Variants in SOX6 observed in about 807,000 individuals in gnomAD.
The protein encoded by SOX6 is SRY-box transcription factor 6.
In SOX6, 11 loss-of-function variants were observed where a neutral mutation model predicts 97.8. The observed-to-expected ratio is 0.11, with a 90% CI of 0.07 to 0.19. The LOEUF is 0.19. Among genes scored for constraint, SOX6 ranks in the 10% least tolerant of loss-of-function variants. The pLI is 1.00. For missense variants in SOX6, 810 were observed against 1,039.5 expected, an observed-to-expected ratio of 0.78 and a Z score of 3.04; for synonymous variants, 360 against 371.4, an observed-to-expected ratio of 0.97 and a Z score of 0.35.
chr11:16,707,947 T>C (rs1474826713), intron 3 of SOX6, among the ~76,000 whole-genome samples: 3 of 151,964 alleles, frequency 2.0e-5, no homozygotes, highest in African/African-American at 7.3e-5. Flanking sequence ...CAGAGAGAAA[T>C]AGAATTAAGT....
intron 4 of SOX6, among the ~76,000 whole-genome samples, chr11:16,568,569 T>C (rs918027194): frequency 1.3e-5 from 2 of 152,146 alleles, no homozygotes; most frequent in African/African-American, 4.8e-5. Flanking sequence ...CATTTTAAAA[T>C]GAATAATTTA....
At chr11:16,196,925 C>G (rs1851795375) in intron 4 of SOX6, among the ~76,000 whole-genome samples, 1 of 146,876 alleles carries the variant, frequency 6.8e-6, no homozygotes, top group Non-Finnish European at 1.5e-5. Context: ...CCTCCACCTC[C>G]TGGGTTCAAG....
chr11:16,353,413 T>A (rs1464257979), intron 1 of SOX6, among the ~76,000 whole-genome samples: 2 of 152,108 alleles, frequency 1.3e-5, no homozygotes, highest in African/African-American at 4.8e-5. Flanking sequence ...GCCTCTCATA[T>A]GAGGACATGA....
intron 2 of SOX6, among the ~76,000 whole-genome samples, chr11:16,728,766 G>A (rs149755138): frequency 0.022 from 3,274 of 152,178 alleles, 53 homozygotes; most frequent in Non-Finnish European, 0.033. Context: ...TCAGAAGGTC[G>A]GTAATAATAA....
At chr11:16,656,629 T>C (rs533314147) in intron 3 of SOX6, among the ~76,000 whole-genome samples, 2 of 152,290 alleles carry the variant, frequency 1.3e-5, no homozygotes, top group South Asian at 4.2e-4. Context: ...TACTTACAGT[T>C]TAGAAGAGTC....
Position 16,153,372 on chromosome 11 carries a change from T to C in SOX6, c.777+30514A>G, listed in dbSNP as rs966764411. 1.2e-4 allele frequency among the ~76,000 whole-genome samples: 19 copies of C among 152,146 alleles called. 1 individual carries two copies. Among genetic ancestry groups the C allele is most frequent in the Admixed American group, 1.2e-3 (19 of 15,270 alleles). On this transcript the variant is annotated intron_variant, in intron 6 of 15. Transcript: ENST00000683767. ...GAAAGGGAAAAAATTTGTGAACTGA[T>C]AGTTGTCCCAAATTTGTTTGGCGAT...
chr11:16,204,583 C>A (rs74680218), intron 4 of SOX6, among the ~76,000 whole-genome samples: 2 of 43,028 alleles, frequency 4.6e-5, no homozygotes, highest in Admixed American at 1.7e-4. Flanking sequence ...AGAAAAAAAA[C>A]AACTTTACTT....
intron 3 of SOX6, among the ~76,000 whole-genome samples, chr11:16,243,072 C>T (rs1853239793): frequency 6.6e-6 from 1 of 151,958 alleles, no homozygotes; most frequent in Non-Finnish European, 1.5e-5. Flanking sequence ...CCCTCCTATT[C>T]TACTGTGCCT....
At chr11:16,602,839 TG>T (rs1410327130) in intron 4 of SOX6, among the ~76,000 whole-genome samples, 2 of 152,042 alleles carry the variant, frequency 1.3e-5, no homozygotes, top group Non-Finnish European at 2.9e-5. Context: ...CTGGCCAACA[TG>T]GTGAAACCTC....
intron 2 of SOX6, among the ~76,000 whole-genome samples, chr11:16,723,880 A>G (rs1334515021): frequency 6.6e-6 from 1 of 152,214 alleles, no homozygotes; most frequent in Non-Finnish European, 1.5e-5. Context: ...ACAATGGAAC[A>G]ACTAAATCCA....
chr11:16,120,636 G>T (rs958126087), intron 6 of SOX6, among the ~76,000 whole-genome samples: 1 of 150,692 alleles, frequency 6.6e-6, no homozygotes, highest in African/African-American at 2.4e-5. Context: ...TAAAGCAAAA[G>T]AAAAAAATAG....
chr11:16,375,269 A>T (rs188225901), intron 1 of SOX6, among the ~76,000 whole-genome samples: 28 of 152,246 alleles, frequency 1.8e-4, no homozygotes, highest in Non-Finnish European at 3.2e-4. Context: ...GAATAATGAC[A>T]TCTTCTCATC....
intron 4 of SOX6, among the ~76,000 whole-genome samples, chr11:16,525,212 C>A (rs555137744): frequency 1.3e-5 from 2 of 152,156 alleles, no homozygotes; most frequent in South Asian, 4.1e-4. Context: ...GGAAGCACCA[C>A]GCTACCTGAC....
intron 3 of SOX6, among the ~76,000 whole-genome samples, chr11:16,242,645 C>CA (rs199779596): frequency 4.2e-4 from 60 of 141,584 alleles, no homozygotes; most frequent in South Asian, 2.5e-3. Context: ...TAAAAAAAAA[C>CA]AAAAAAAAAA....
chr11:16,154,065 G>A (rs567978482), intron 6 of SOX6, among the ~76,000 whole-genome samples: 36 of 152,222 alleles, frequency 2.4e-4, no homozygotes, highest in African/African-American at 7.9e-4. Flanking sequence ...TCACATTCCT[G>A]TCTTCATTAC....
chr11:16,718,852 C>A (rs1165549159), intron 2 of SOX6, among the ~76,000 whole-genome samples: 1 of 151,528 alleles, frequency 6.6e-6, no homozygotes, highest in Admixed American at 6.6e-5. Flanking sequence ...CATATATAGG[C>A]CAGGTGTGGT....
At chr11:16,262,193 T>C in intron 3 of SOX6, among the ~76,000 whole-genome samples, 1 of 152,108 alleles carries the variant, frequency 6.6e-6, no homozygotes. Flanking sequence ...TGGCTCTATA[T>C]GAGCATCAAA....
intron 3 of SOX6, chr11:16,645,991 C>G (rs543965827): frequency 6.6e-6 from 1 of 152,262 alleles, no homozygotes; most frequent in East Asian, 1.9e-4. Context: ...TCTCACAGAT[C>G]TGTGTGTTGG....
chr11:16,682,199 T>C (rs553194400), intron 3 of SOX6, among the ~76,000 whole-genome samples: 1 of 152,240 alleles, frequency 6.6e-6, no homozygotes, highest in African/African-American at 2.4e-5. Flanking sequence ...TGAACATTGG[T>C]GTGAAAATCC....
Sources: gnomAD v4.1 joint callset for allele counts (sites outside exome capture counted in the v4.1 genomes callset) on GRCh38, gnomAD v4.1.1 for gene constraint, MANE v1.5 for transcripts, NCBI Gene and HGNC (gene_info 2026-07-23, HGNC 2026-07-21) for gene names.